Variants in PSMA1 observed in about 807,000 individuals in gnomAD.
The protein encoded by PSMA1 is proteasome 20S subunit alpha 1.
PSMA1 carries 3 observed loss-of-function variants against 38.4 expected under a neutral mutation model. The ratio of observed to expected loss-of-function variants is 0.08; its 90% confidence interval spans 0.04 to 0.20. PSMA1 has a LOEUF of 0.20. PSMA1 is among the 10% of genes least tolerant of loss of function. PSMA1 has a pLI of 1.00. For missense variants in PSMA1, 227 were observed against 325.3 expected, an observed-to-expected ratio of 0.70 and a Z score of 2.32; for synonymous variants, 101 against 107.1, an observed-to-expected ratio of 0.94 and a Z score of 0.35.
intron 2 of PSMA1, among the ~76,000 whole-genome samples, chr11:14,585,155 A>G (rs1249622973): frequency 2.0e-5 from 3 of 152,204 alleles, no homozygotes; most frequent in Non-Finnish European, 4.4e-5. Context: ...GCCTGACACT[A>G]GGCTCGATTG....
intron 2 of PSMA1, among the ~76,000 whole-genome samples, chr11:14,579,743 C>G (rs928755910): frequency 6.6e-6 from 1 of 151,972 alleles, no homozygotes; most frequent in African/African-American, 2.4e-5. Flanking sequence ...CCTAGAAACC[C>G]CCCTCAAACC....
intron 2 of PSMA1, among the ~76,000 whole-genome samples, chr11:14,602,651 G>A (rs571879738): frequency 9.2e-5 from 14 of 152,018 alleles, no homozygotes; most frequent in South Asian, 2.1e-4. Context: ...GGCTGTTGGC[G>A]GTGATAAAGT....
chr11:14,551,117 C>T (rs1348578345), intron 2 of PSMA1, among the ~76,000 whole-genome samples: 5 of 152,054 alleles, frequency 3.3e-5, no homozygotes, highest in African/African-American at 9.7e-5. Context: ...TCATACATGC[C>T]GCAATTAACT....
At chr11:14,572,577 T>C (rs1487887673) in intron 2 of PSMA1, among the ~76,000 whole-genome samples, 2 of 152,072 alleles carry the variant, frequency 1.3e-5, no homozygotes, top group African/African-American at 4.8e-5. Context: ...GATCTAAAAT[T>C]GACACCCTAA....
chr11:14,541,552 C>T (rs1020795801), intron 2 of PSMA1, among the ~76,000 whole-genome samples: 1 of 152,206 alleles, frequency 6.6e-6, no homozygotes, highest in Admixed American at 6.5e-5. Flanking sequence ...CCGTGCTGAC[C>T]TTTAACTAAT....
At chr11:14,573,463 G>C (rs368251795) in intron 2 of PSMA1, among the ~76,000 whole-genome samples, 4 of 151,976 alleles carry the variant, frequency 2.6e-5, no homozygotes, top group Non-Finnish European at 4.4e-5. Flanking sequence ...AATTCAACAG[G>C]CCTTCATGCT....
intron 2 of PSMA1, among the ~76,000 whole-genome samples, chr11:14,572,850 G>C (rs1852163002): frequency 6.6e-6 from 1 of 152,002 alleles, no homozygotes; most frequent in African/African-American, 2.4e-5. Flanking sequence ...CCAATCCCAT[G>C]GAAATACAAA....
intron 2 of PSMA1, among the ~76,000 whole-genome samples, chr11:14,537,727 T>TA (rs397849201): frequency 1.3e-5 from 2 of 150,628 alleles, no homozygotes; most frequent in East Asian, 3.9e-4. Flanking sequence ...TTTTTTTTTT[T>TA]AGACAGAGTA....
intron 2 of PSMA1, among the ~76,000 whole-genome samples, chr11:14,592,021 C>T (rs183963608): frequency 8.1e-4 from 123 of 151,818 alleles, no homozygotes; most frequent in African/African-American, 2.7e-3. Context: ...ATGAGCCCAC[C>T]GGGAGGAAGG....
Position 14,504,996 on chromosome 11 carries a change from C to A in PSMA1, c.*196G>T, listed in dbSNP as rs1015727037. The A allele has an allele frequency of 1.1e-5, 6 of 558,914 alleles. No homozygotes were observed. The highest frequency in any genetic ancestry group is 3.2e-6 in the Non-Finnish European group (1 of 312,238). 34.6% of individuals were successfully genotyped at this position (558,914 alleles called of 1,614,324 possible). On this transcript the variant is annotated 3_prime_UTR_variant, in exon 10 of 10. Coordinates refer to ENST00000396394, the MANE Select transcript of PSMA1 (RefSeq NM_002786.4). The stretch of plus-strand genomic sequence containing the variant: ...CTTTCTAGAAAATGATTATACAGAC[C>A]CTTTCAAAGAAAAATGTATTCCATT...
chr11:14,529,813 T>A (rs546309514), intron 2 of PSMA1, among the ~76,000 whole-genome samples: 1 of 152,342 alleles, frequency 6.6e-6, no homozygotes, highest in South Asian at 2.1e-4. Context: ...CAGCTTTTTT[T>A]CTGTGGAAGT....
chr11:14,572,048 C>T (rs1018346499), intron 2 of PSMA1, among the ~76,000 whole-genome samples: 1 of 152,142 alleles, frequency 6.6e-6, no homozygotes, highest in Non-Finnish European at 1.5e-5. Context: ...GACTTAGACT[C>T]CCATACAATA....
At chr11:14,541,052 A>G (rs904798161) in intron 2 of PSMA1, among the ~76,000 whole-genome samples, 7 of 152,204 alleles carry the variant, frequency 4.6e-5, no homozygotes, top group Non-Finnish European at 8.8e-5. Context: ...ACAAACCTGC[A>G]CGTTGTGAAC....
chr11:14,631,540 A>G (rs1483139386), intron 1 of PSMA1, among the ~76,000 whole-genome samples: 4 of 152,174 alleles, frequency 2.6e-5, no homozygotes, highest in Non-Finnish European at 2.9e-5. Context: ...ATAGTTTGCT[A>G]TAATTTCTGT....
intron 2 of PSMA1, among the ~76,000 whole-genome samples, chr11:14,600,408 G>A (rs926326690): frequency 1.3e-5 from 2 of 152,178 alleles, no homozygotes; most frequent in African/African-American, 4.8e-5. Flanking sequence ...CGCTCAGTTC[G>A]AGTTTCCCAC....
chr11:14,513,953 A>G (rs1294729227), intron 5 of PSMA1, 66 bp from the exon 6 acceptor site: 3 of 1,480,702 alleles, frequency 2.0e-6, no homozygotes, highest in Non-Finnish European at 2.7e-6. Flanking sequence ...CAAATTATAC[A>G]TTATTAACAA....
chr11:14,627,093 AC>A (rs1243905974), intron 1 of PSMA1, among the ~76,000 whole-genome samples: 2 of 152,112 alleles, frequency 1.3e-5, no homozygotes, highest in African/African-American at 4.8e-5. Context: ...TCTTATAAGG[AC>A]ATAAGTCATA....
chr11:14,604,247 A>C (rs561071654), intron 2 of PSMA1, among the ~76,000 whole-genome samples: 17 of 152,154 alleles, frequency 1.1e-4, no homozygotes, highest in Non-Finnish European at 2.1e-4. Context: ...TTTTTAGTAG[A>C]GACAGGGTTT....
chr11:14,521,309 AGAAT>A (rs1340427702), upstream of PSMA1, among the ~76,000 whole-genome samples: 1 of 74,688 alleles, frequency 1.3e-5, no homozygotes, highest in East Asian at 3.9e-4. Flanking sequence ...AATAATAATA[AGAAT>A]AAGAATAAGA....
Sources: allele counts gnomAD v4.1 joint callset (sites outside exome capture counted in the v4.1 genomes callset), GRCh38; gene constraint gnomAD v4.1.1; transcripts MANE v1.5; gene names NCBI Gene and HGNC (gene_info 2026-07-23, HGNC 2026-07-21).